DENND5A: variants seen among roughly 807,000 people sequenced by gnomAD.
DENND5A encodes DENN domain-containing protein 5A.
In DENND5A, 64 loss-of-function variants were observed where a neutral mutation model predicts 140.3. That is an observed-to-expected ratio of 0.46 (90% CI 0.37 to 0.56). The LOEUF (loss-of-function observed/expected upper bound fraction) is 0.56. DENND5A is among the 20% of genes least tolerant of loss of function. The pLI is 0.00. For synonymous variants in DENND5A, 605 were observed against 607.7 expected (o/e 1.00, Z 0.07); for missense variants, 1,292 against 1,593.8 (o/e 0.81, Z 3.22).
intron 1 of DENND5A, among the ~76,000 whole-genome samples, chr11:9,255,024 T>A (rs988572634): frequency 1.3e-5 from 2 of 152,022 alleles, no homozygotes; most frequent in Admixed American, 6.6e-5. Flanking sequence ...TGAGCCAAGA[T>A]CGTGCTACTG....
chr11:9,163,998 C>T (rs1039135813), intron 11 of DENND5A, among the ~76,000 whole-genome samples: 1 of 149,000 alleles, frequency 6.7e-6, no homozygotes, highest in Non-Finnish European at 1.5e-5. Context: ...GGCCACAATG[C>T]CTGGCCAGAG....
At chr11:9,146,138 G>C (rs921523569) in intron 16 of DENND5A, among the ~76,000 whole-genome samples, 2 of 152,318 alleles carry the variant, frequency 1.3e-5, no homozygotes, top group East Asian at 1.9e-4. Context: ...GTACTGAACT[G>C]CTTTTTAGAG....
At chr11:9,174,012 A>G (rs1032485338) in intron 8 of DENND5A, among the ~76,000 whole-genome samples, 2 of 145,958 alleles carry the variant, frequency 1.4e-5, no homozygotes, top group African/African-American at 5.0e-5. Context: ...CTGAGGCAGG[A>G]GAATGGCGTG....
chr11:9,255,902 T>C (rs911869222), intron 1 of DENND5A, among the ~76,000 whole-genome samples: 5 of 150,118 alleles, frequency 3.3e-5, no homozygotes, highest in East Asian at 2.0e-4. Flanking sequence ...AACGGGTACC[T>C]GTAATCCCAG....
intron 22 of DENND5A, chr11:9,140,221 C>T: frequency 4.5e-6 from 6 of 1,319,474 alleles, no homozygotes; most frequent in Non-Finnish European, 5.9e-6. Flanking sequence ...CTGGCACTGA[C>T]ATAAGAGATT....
chr11:9,148,367 G>T (rs1564881494), intron 15 of DENND5A, among the ~76,000 whole-genome samples: 1 of 151,682 alleles, frequency 6.6e-6, no homozygotes, highest in East Asian at 1.9e-4. Flanking sequence ...CTATTCAAAT[G>T]AAGGAAGGTC....
At chr11:9,192,217 G>C (rs749740199) in intron 5 of DENND5A, among the ~76,000 whole-genome samples, 6 of 152,166 alleles carry the variant, frequency 3.9e-5, no homozygotes, top group Non-Finnish European at 5.9e-5. Context: ...AATTATCAGG[G>C]TATTCATCAA....
chr11:9,150,690 G>T lies in DENND5A; in HGVS notation c.2596C>A (p.Gln866Lys). 6.2e-7 allele frequency: 1 copy of T among 1,612,604 alleles called. No individual in the cohort carries two copies. Among genetic ancestry groups the T allele is most frequent in the Non-Finnish European group, 8.5e-7 (1 of 1,178,814 alleles). The change falls in exon 14 of 23, where the codon CAG (glutamine) becomes AAG (lysine). Residue 866 changes from glutamine (Q) to lysine (K), a missense_variant. Gln to Lys is a moderately conservative substitution (Grantham distance 53). Around this residue, in one of 4 missense-constraint regions of DENND5A, gnomAD observed 498 missense variants for 689.7 expected, o/e 0.72. Transcript: ENST00000328194. ...TGAGCCCATACTGACCTCATATCCT[G>T]AATCAGGGAGATCCTCAGGGGAGGC... ...LMPPLRISLI[Q>K]DMRHIQNIGE... is the part of the protein sequence containing the mutation.
chr11:9,150,836 TAAATCAC>T, intron 13 of DENND5A, 72 bp from the exon 14 acceptor site: 1 of 893,846 alleles, frequency 1.1e-6, no homozygotes, highest in South Asian at 1.6e-5. Context: ...TCCCTTACCT[TAAATCAC>T]AAATTGCTAT....
chr11:9,176,786 C>T, intron 8 of DENND5A: 1 of 410,312 alleles, frequency 2.4e-6, no homozygotes, highest in Non-Finnish European at 4.9e-6. Context: ...AATTCATTCA[C>T]CCCTTCTTTC....
intron 5 of DENND5A, among the ~76,000 whole-genome samples, chr11:9,192,629 AAAAAAAAAC>A (rs1286747888): frequency 7.9e-5 from 11 of 139,632 alleles, no homozygotes; most frequent in East Asian, 2.0e-4. Flanking sequence ...CTTCGTCTCA[AAAAAAAAAC>A]AAAAAAAAAC....
intron 1 of DENND5A, among the ~76,000 whole-genome samples, chr11:9,213,001 A>ATTTT (rs71062814): frequency 5.5e-5 from 7 of 126,266 alleles, no homozygotes; most frequent in African/African-American, 1.8e-4. Flanking sequence ...CCTGGTTCTG[A>ATTTT]TTTTTTTTTT....
intron 1 of DENND5A, among the ~76,000 whole-genome samples, chr11:9,220,380 T>C (rs1177734906): frequency 2.0e-5 from 3 of 151,826 alleles, no homozygotes; most frequent in Non-Finnish European, 2.9e-5. Context: ...AAACCCTGTC[T>C]CTACTAAAAA....
intron 1 of DENND5A, among the ~76,000 whole-genome samples, chr11:9,241,639 A>G (rs1851237827): frequency 2.0e-5 from 3 of 152,142 alleles, no homozygotes; most frequent in Admixed American, 2.0e-4. Context: ...CCACATATAC[A>G]TATGGCTCAC....
At position 9,193,568 on chromosome 11, in the gene DENND5A, C is replaced by G. The variant is rs746343734; in HGVS notation, c.1063G>C (p.Ala355Pro). 6.6e-5 allele frequency: 107 copies of G among 1,613,878 alleles called. No homozygotes were observed. The highest frequency in any genetic ancestry group is 8.7e-5 in the Non-Finnish European group (103 of 1,179,990). The change falls in exon 5 of 23, where the codon GCT becomes CCT. Residue 355 changes from alanine (A) to proline (P), a missense_variant. Coordinates refer to ENST00000328194, the MANE Select transcript of DENND5A (RefSeq NM_015213.4). ...LPASLLHFLD[A>P]PVPYLMGLHS... ...AAACCCATCAGGTATGGAACAGGAG[C>G]ATCTAAGAAATGCAGGAGAGAAGCT...
intron 1 of DENND5A, among the ~76,000 whole-genome samples, chr11:9,252,657 C>A (rs192893855): frequency 0.018 from 2,785 of 151,648 alleles, 42 homozygotes; most frequent in Non-Finnish European, 0.021. Context: ...AAAAAAAAAA[C>A]CAAAAAACTG....
intron 1 of DENND5A, among the ~76,000 whole-genome samples, chr11:9,249,834 G>C (rs941855899): frequency 2.0e-5 from 3 of 152,022 alleles, no homozygotes; most frequent in African/African-American, 7.2e-5. Flanking sequence ...ACAGGCATGA[G>C]CCACCGTGCC....
At chr11:9,174,714 C>CA (rs111662160) in intron 8 of DENND5A, among the ~76,000 whole-genome samples, 6,072 of 150,358 alleles carry the variant, frequency 0.04, 384 homozygotes, top group African/African-American at 0.14. Flanking sequence ...AAAACAACAA[C>CA]AAAAAAAATC....
chr11:9,155,629 A>G (rs1328391234), intron 12 of DENND5A, among the ~76,000 whole-genome samples: 2 of 152,250 alleles, frequency 1.3e-5, no homozygotes, highest in African/African-American at 4.8e-5. Context: ...CCATTTATGG[A>G]CATGGACACA....
Sources: gnomAD v4.1 joint callset for allele counts (sites outside exome capture counted in the v4.1 genomes callset) on GRCh38, gnomAD v4.1.1 for gene constraint, gnomAD v4.1.1 regional missense constraint, MANE v1.5 for transcripts, NCBI Gene and HGNC (gene_info 2026-07-23, HGNC 2026-07-21) for gene names.